Variants in GPHN observed in about 807,000 individuals in gnomAD.
GPHN encodes gephyrin.
GPHN carries 17 observed loss-of-function variants against 95.5 expected under a neutral mutation model. The observed-to-expected ratio is 0.18, with a 90% confidence interval of 0.12 to 0.27. GPHN has a LOEUF of 0.27. Ranked by LOEUF, GPHN falls within the 10% of genes least tolerant of loss-of-function variation. The pLI is 1.00. For synonymous variants in GPHN, 320 were observed against 322.5 expected (o/e 0.99, Z 0.08); for missense variants, 660 against 978.1 (o/e 0.67, Z 4.34).
At chr14:67,367,509 G>A in the GPHN span, among the ~76,000 whole-genome samples, 3,119 of 152,338 alleles carry the variant, frequency 0.02, 3 homozygotes, top group Non-Finnish European at 0.028. Context: ...GATTACAGGC[G>A]TGAGCCACCA....
the GPHN span, among the ~76,000 whole-genome samples, chr14:67,273,326 A>G: frequency 3.5e-4 from 53 of 151,504 alleles, no homozygotes; most frequent in Middle Eastern, 3.4e-3. Context: ...CCTGTGTCCA[A>G]GTGTTCTCAT....
At chr14:67,499,482 T>C in the GPHN span, among the ~76,000 whole-genome samples, 1 of 152,222 alleles carries the variant, frequency 6.6e-6, no homozygotes, top group Non-Finnish European at 1.5e-5. Flanking sequence ...AGGTTATCTC[T>C]ACAGGCCAGG....
At chr14:67,076,830 C>T (rs2076514211) in intron 11 of GPHN, among the ~76,000 whole-genome samples, 1 of 151,968 alleles carries the variant, frequency 6.6e-6, no homozygotes, top group Admixed American at 6.6e-5. Flanking sequence ...CATTCTATTA[C>T]CTACCACACT....
chr14:66,954,443 A>G (rs549067679), intron 8 of GPHN, among the ~76,000 whole-genome samples: 1 of 152,320 alleles, frequency 6.6e-6, no homozygotes, highest in East Asian at 1.9e-4. Context: ...CAGTATTGGT[A>G]TATAGAAATA....
At chr14:66,624,776 T>C (rs1233395070) in intron 1 of GPHN, among the ~76,000 whole-genome samples, 1 of 152,250 alleles carries the variant, frequency 6.6e-6, no homozygotes, top group African/African-American at 2.4e-5. Context: ...AACTATTTAC[T>C]ATCTGCTCTT....
At chr14:67,199,529 G>A in the GPHN span, 4 of 1,611,758 alleles carry the variant, frequency 2.5e-6, no homozygotes, top group Non-Finnish European at 3.4e-6. Context: ...TGCTTCAGTT[G>A]CAGCAATTGA....
the GPHN span, among the ~76,000 whole-genome samples, chr14:67,574,580 G>A: frequency 6.6e-6 from 1 of 152,210 alleles, no homozygotes; most frequent in Non-Finnish European, 1.5e-5. The surrounding 1 kb of genome is among the most constrained non-coding windows in gnomAD (Gnocchi z 4.2). Flanking sequence ...AGGTGATGGC[G>A]AGTGATTCCC....
At chr14:67,575,534 C>T in the GPHN span, 2 of 1,056,640 alleles carry the variant, frequency 1.9e-6, no homozygotes, top group African/African-American at 1.6e-5. Context: ...ATGACTGCCA[C>T]TCTATGTCCT....
At chr14:66,718,131 C>T (rs2070367909) in intron 2 of GPHN, among the ~76,000 whole-genome samples, 1 of 152,082 alleles carries the variant, frequency 6.6e-6, no homozygotes, top group African/African-American at 2.4e-5. Context: ...GGAATTGGTT[C>T]CTTCCAGTGG....
At chr14:67,283,041 G>C in the GPHN span, among the ~76,000 whole-genome samples, 1 of 152,060 alleles carries the variant, frequency 6.6e-6, no homozygotes, top group Admixed American at 6.5e-5. Flanking sequence ...AGCAGTGTCA[G>C]GAAAGGGAAC....
the GPHN span, among the ~76,000 whole-genome samples, chr14:67,367,848 G>C: frequency 1.3e-3 from 198 of 151,784 alleles, 4 homozygotes; most frequent in African/African-American, 4.0e-3. Flanking sequence ...AAAAAAAAAA[G>C]AGAGAGGTGA....
chr14:67,148,803 T>C (rs1244410329), intron 18 of GPHN, among the ~76,000 whole-genome samples: 1 of 151,386 alleles, frequency 6.6e-6, no homozygotes, highest in Admixed American at 6.6e-5. Context: ...CCTGACCTCA[T>C]GATCCACCCG....
intron 9 of GPHN, among the ~76,000 whole-genome samples, chr14:67,001,385 T>C (rs2072217122): frequency 6.6e-6 from 1 of 151,598 alleles, no homozygotes; most frequent in African/African-American, 2.4e-5. Flanking sequence ...TAATGTCATA[T>C]TATAATGTGA....
At chr14:67,199,718 G>C in the GPHN span, 1 of 1,582,160 alleles carries the variant, frequency 6.3e-7, no homozygotes, top group Non-Finnish European at 8.7e-7. Context: ...TTCACCCTCT[G>C]CCCCCAATCC....
intron 1 of GPHN, among the ~76,000 whole-genome samples, chr14:66,579,755 G>A (rs1008674274): frequency 3.3e-5 from 5 of 151,752 alleles, no homozygotes; most frequent in African/African-American, 4.8e-5. Context: ...GACAATAATA[G>A]TATAGGACTT....
At chr14:66,628,171 A>T (rs1276451559) in intron 1 of GPHN, among the ~76,000 whole-genome samples, 1 of 152,192 alleles carries the variant, frequency 6.6e-6, no homozygotes. Flanking sequence ...GAAAATGCAA[A>T]GTTATGAAAA....
chr14:66,569,529 G>A (rs893130804), intron 1 of GPHN, among the ~76,000 whole-genome samples: 1 of 151,080 alleles, frequency 6.6e-6, no homozygotes, highest in African/African-American at 2.5e-5. Flanking sequence ...TGAGCATGGT[G>A]GGGGGCCCCT....
At chr14:66,855,767 A>G (rs540239722) in intron 4 of GPHN, among the ~76,000 whole-genome samples, 9 of 152,158 alleles carry the variant, frequency 5.9e-5, no homozygotes, top group East Asian at 3.9e-4. Flanking sequence ...TCTTTATACT[A>G]TAGATCTATT....
At chr14:66,879,573 G>A (rs952579588) in intron 4 of GPHN, among the ~76,000 whole-genome samples, 5 of 151,936 alleles carry the variant, frequency 3.3e-5, no homozygotes, top group Non-Finnish European at 5.9e-5. Flanking sequence ...AAGAGTAATA[G>A]ACAAAGGAAA....
Sources: allele counts gnomAD v4.1 joint callset (sites outside exome capture counted in the v4.1 genomes callset), GRCh38; gene constraint gnomAD v4.1.1; non-coding constraint Gnocchi (gnomAD v3.1); transcripts MANE v1.5; gene names NCBI Gene and HGNC (gene_info 2026-07-23, HGNC 2026-07-21).